Variants in ATRN observed in about 807,000 individuals in gnomAD.
ATRN encodes attractin.
A neutral mutation model predicts 178.7 loss-of-function variants in ATRN; 54 were observed. The observed-to-expected ratio is 0.30, with a 90% CI of 0.24 to 0.38. The LOEUF (loss-of-function observed/expected upper bound fraction) is 0.38. Ranked by LOEUF, ATRN falls within the 10% of genes least tolerant of loss-of-function variation. The probability of loss-of-function intolerance (pLI) is 1.00; values close to 1 mark genes in which losing one functional copy is unlikely to be tolerated. For missense variants in ATRN, 1,443 were observed against 1,815.1 expected, an observed-to-expected ratio of 0.79 and a Z score of 3.73; for synonymous variants, 636 against 663.0, an observed-to-expected ratio of 0.96 and a Z score of 0.63.
At chr20:3,566,710 C>A (rs1274329409) in intron 11 of ATRN, among the ~76,000 whole-genome samples, 3 of 151,824 alleles carry the variant, frequency 2.0e-5, no homozygotes, top group Non-Finnish European at 4.4e-5. Context: ...TCCAGACCAC[C>A]CTGGTCAACA....
intron 23 of ATRN, 69 bp from the exon 24 acceptor site, chr20:3,604,036 G>C (rs1015785883): frequency 1.1e-5 from 15 of 1,326,990 alleles, no homozygotes; most frequent in Admixed American, 2.7e-5. Context: ...TTATTAATGA[G>C]GCCAGATTCT....
At chr20:3,528,266 G>C (rs1170641257) in intron 1 of ATRN, among the ~76,000 whole-genome samples, 2 of 151,998 alleles carry the variant, frequency 1.3e-5, no homozygotes, top group Non-Finnish European at 2.9e-5. Flanking sequence ...TACTCAGGAG[G>C]CTGAGGCAGA....
chr20:3,498,720 A>G, intron 1 of ATRN, among the ~76,000 whole-genome samples: 1 of 151,950 alleles, frequency 6.6e-6, no homozygotes, highest in Non-Finnish European at 1.5e-5. Context: ...ACCCACAGCT[A>G]ATATCATACT....
intron 4 of ATRN, among the ~76,000 whole-genome samples, chr20:3,546,589 C>T (rs2085706074): frequency 6.6e-6 from 1 of 151,958 alleles, no homozygotes; most frequent in Non-Finnish European, 1.5e-5. Context: ...GACGGGGTTT[C>T]ACCATGTTGG....
At chr20:3,616,725 A>G (rs1445666516) in intron 24 of ATRN, among the ~76,000 whole-genome samples, 1 of 152,094 alleles carries the variant, frequency 6.6e-6, no homozygotes, top group African/African-American at 2.4e-5. Context: ...GAAAGACCCC[A>G]CTGGCAGCAG....
intron 1 of ATRN, among the ~76,000 whole-genome samples, chr20:3,522,615 G>T (rs950171785): frequency 6.6e-6 from 1 of 152,222 alleles, no homozygotes; most frequent in Non-Finnish European, 1.5e-5. Flanking sequence ...CGTGCCTCCT[G>T]ACTAGGAGAC....
chr20:3,596,371 C>T lies in ATRN; in HGVS notation c.3417-6C>T, dbSNP rs750061965. The T allele has an allele frequency of 6.2e-7, 1 of 1,611,842 alleles. No individual in the cohort carries two copies. Among genetic ancestry groups the T allele is most frequent in the South Asian group, 1.1e-5 (1 of 90,930 alleles). On this transcript the variant is annotated splice_polypyrimidine_tract_variant and splice_region_variant and intron_variant, in intron 20 of 28. Transcript: ENST00000262919. ...GCAGTATAAAATAGTCTTTTTTCCC[C>T]CCCAGATGTGAGGTAGAAAATCGAT...
At chr20:3,628,181 A>G (rs1381811946) in intron 25 of ATRN, among the ~76,000 whole-genome samples, 1 of 152,234 alleles carries the variant, frequency 6.6e-6, no homozygotes, top group East Asian at 1.9e-4. Flanking sequence ...CAAAAAACAA[A>G]AAGGAGAATA....
chr20:3,646,980 C>G lies in ATRN; in HGVS notation c.*133C>G, dbSNP rs1452516713. The G allele has an allele frequency of 5.9e-6, 7 of 1,181,584 alleles. No homozygotes were observed. The African/African-American group carries it at 9.3e-5, about 16-fold the overall frequency. The allele number at this position is 1,181,584 out of a possible 1,614,324, so 73.2% of individuals were successfully genotyped here. A position where few individuals can be genotyped will look rare whatever the true frequency, so the allele number is the denominator to read the frequency against. On this transcript the variant is annotated 3_prime_UTR_variant, in exon 29 of 29. Coordinates refer to ENST00000262919, the MANE Select transcript of ATRN (RefSeq NM_139321.3). ...CTGGAAACCCTCAAAGCATCTGACT[C>G]ACCTGCATGATCACAAGCTTTCTTT...
rs762364788 is a variant in ATRN at position 3,597,900 on chromosome 20, C to T, written c.3470-6C>T. On this transcript the variant is annotated splice_region_variant and splice_polypyrimidine_tract_variant and intron_variant, in intron 21 of 28. Coordinates refer to ENST00000262919, the MANE Select transcript of ATRN (RefSeq NM_139321.3). Reference sequence around the variant, plus strand: ...TTTTTAAATATGCATTTCTTTCTTTCCATAGATACTCTTCTTATTGACTAT... The same window carrying T: ...TTTTTAAATATGCATTTCTTTCTTTTCATAGATACTCTTCTTATTGACTAT... The T allele has an allele frequency of 2.6e-6, 4 of 1,558,206 alleles. No individual in the cohort carries two copies. In the Admixed American group the frequency reaches 6.8e-5, roughly 26 times the overall value.
intron 1 of ATRN, among the ~76,000 whole-genome samples, chr20:3,534,523 G>A (rs1296195881): frequency 6.6e-6 from 1 of 152,148 alleles, no homozygotes; most frequent in Non-Finnish European, 1.5e-5. Context: ...ATTAGGAGTA[G>A]CTGGGAGATG....
intron 25 of ATRN, among the ~76,000 whole-genome samples, chr20:3,630,940 T>TGGGA (rs2086985284): frequency 3.2e-5 from 2 of 63,230 alleles, no homozygotes; most frequent in East Asian, 6.7e-4. Flanking sequence ...TTTTTTTTTT[T>TGGGA]TTTTTTTTTT....
intron 1 of ATRN, among the ~76,000 whole-genome samples, chr20:3,522,324 T>C (rs1024858027): frequency 2.0e-4 from 31 of 152,336 alleles, no homozygotes; most frequent in Admixed American, 3.9e-4. Flanking sequence ...AGAGAAAAGA[T>C]GTAAATGTTC....
intron 2 of ATRN, among the ~76,000 whole-genome samples, chr20:3,536,342 G>T (rs1182685144): frequency 6.6e-6 from 1 of 152,090 alleles, no homozygotes; most frequent in Non-Finnish European, 1.5e-5. Flanking sequence ...CCAAGTAGCT[G>T]GGATTACAGG....
At chr20:3,537,668 C>A (rs1180286778) in intron 2 of ATRN, among the ~76,000 whole-genome samples, 2 of 150,696 alleles carry the variant, frequency 1.3e-5, no homozygotes, top group African/African-American at 2.4e-5. Context: ...CCACTCCCCC[C>A]ACCCCACGAC....
At chr20:3,571,038 T>C (rs1206728709) in intron 11 of ATRN, among the ~76,000 whole-genome samples, 1 of 152,264 alleles carries the variant, frequency 6.6e-6, no homozygotes, top group Non-Finnish European at 1.5e-5. Flanking sequence ...CGTTCCATTT[T>C]TTCCCCCACA....
At chr20:3,542,132 G>A (rs777299224) in intron 3 of ATRN, among the ~76,000 whole-genome samples, 1 of 152,226 alleles carries the variant, frequency 6.6e-6, no homozygotes, top group Non-Finnish European at 1.5e-5. Context: ...CATTGGCCAA[G>A]TGTTGGAGTG....
chr20:3,492,682 G>A (rs565600631), intron 1 of ATRN, among the ~76,000 whole-genome samples: 1 of 151,972 alleles, frequency 6.6e-6, no homozygotes, highest in Non-Finnish European at 1.5e-5. Flanking sequence ...TCATACCAAC[G>A]TTTTGCGCAT....
At chr20:3,580,832 C>T (rs1300191570) in intron 15 of ATRN, among the ~76,000 whole-genome samples, 3 of 152,086 alleles carry the variant, frequency 2.0e-5, no homozygotes, top group Admixed American at 6.6e-5. Flanking sequence ...TGAATTGTAT[C>T]GTGAAGGCAA....
Sources: allele counts gnomAD v4.1 joint callset (sites outside exome capture counted in the v4.1 genomes callset), GRCh38; gene constraint gnomAD v4.1.1; transcripts MANE v1.5; gene names NCBI Gene and HGNC (gene_info 2026-07-23, HGNC 2026-07-21).